NRL: variants seen among roughly 807,000 people sequenced by gnomAD.
NRL encodes neural retina-specific leucine zipper protein.
In NRL, 16 loss-of-function variants were observed where a neutral mutation model predicts 12.5. The observed-to-expected ratio is 1.28, with a 90% CI of 0.87 to 1.95. The LOEUF (loss-of-function observed/expected upper bound fraction) is 1.95. NRL is among the 30% of genes most tolerant of loss of function. The pLI, the probability that NRL is intolerant of heterozygous loss-of-function variation, is 0.00. For missense variants in NRL, 314 were observed against 325.8 expected (o/e 0.96, Z 0.28); for synonymous variants, 142 against 150.9 (o/e 0.94, Z 0.43).
At chr14:24,111,359 T>TG (rs2037416462) in intron 1 of NRL, among the ~76,000 whole-genome samples, 1 of 151,908 alleles carries the variant, frequency 6.6e-6, no homozygotes, top group African/African-American at 2.4e-5. Flanking sequence ...AGGTGTTTTT[T>TG]GTTTGGTTGG....
intron 1 of NRL, among the ~76,000 whole-genome samples, chr14:24,105,064 G>A (rs1442559304): frequency 2.0e-5 from 3 of 152,230 alleles, no homozygotes; most frequent in African/African-American, 7.2e-5. Flanking sequence ...ATTTACCCAC[G>A]TGTTTATTGA....
At chr14:24,096,331 C>G (rs941035903) in intron 1 of NRL, among the ~76,000 whole-genome samples, 20 of 144,566 alleles carry the variant, frequency 1.4e-4, no homozygotes, top group Admixed American at 1.0e-3. Flanking sequence ...CTCCACCTCC[C>G]GGGTTCAAGC....
chr14:24,092,395 T>C (rs1204884390), intron 1 of NRL, among the ~76,000 whole-genome samples: 1 of 152,248 alleles, frequency 6.6e-6, no homozygotes, highest in Non-Finnish European at 1.5e-5. Flanking sequence ...TAGTCTAGAC[T>C]GATTCCCTTT....
chr14:24,109,270 A>G (rs926282968), intron 1 of NRL, among the ~76,000 whole-genome samples: 8 of 152,182 alleles, frequency 5.3e-5, no homozygotes, highest in African/African-American at 1.9e-4. Context: ...ACTTCACCAT[A>G]ATTATTTTTA....
At chr14:24,100,683 C>A in intron 1 of NRL, 1 of 475,404 alleles carries the variant, frequency 2.1e-6, no homozygotes, top group Non-Finnish European at 2.8e-6. Context: ...AGGAAAGCTG[C>A]CTCCTCTGCT....
Position 24,081,573 on chromosome 14 carries a change from G to T in NRL, c.382-5C>A. Reference sequence around the variant, plus strand: ...GTCGGAAAACCGCTCTGCCAGCTGCGGAGGGAGAATGCAGAAACCGGGTCA... The same window carrying T: ...GTCGGAAAACCGCTCTGCCAGCTGCTGAGGGAGAATGCAGAAACCGGGTCA... On this transcript the variant is annotated splice_polypyrimidine_tract_variant and splice_region_variant and intron_variant, in intron 2 of 2. Coordinates refer to ENST00000561028, the MANE Select transcript of NRL (RefSeq NM_001354768.3). This position sits in a 1 kb window ranked among gnomAD's most constrained non-coding sequence, Gnocchi z 4.4. The T allele has an allele frequency of 1.3e-6, 2 of 1,590,720 alleles. No individual in the cohort carries two copies. Among genetic ancestry groups the T allele is most frequent in the South Asian group, 1.1e-5 (1 of 87,580 alleles).
chr14:24,079,518 A>C lies in NRL; in HGVS notation c.*1718T>G, dbSNP rs2036214683. 6.6e-6 allele frequency among the ~76,000 whole-genome samples: 1 copy of C among 152,128 alleles called. No individual in the cohort carries two copies. Among genetic ancestry groups the C allele is most frequent in the Admixed American group, 6.5e-5 (1 of 15,280 alleles). ...GGGGAAGGGAGAGGAGACGAGAGAA[A>C]TTCTGAGAGCGATGGAGGAGAGGAC... On this transcript the variant is annotated 3_prime_UTR_variant, in exon 3 of 3. Coordinates refer to ENST00000561028, the MANE Select transcript of NRL (RefSeq NM_001354768.3).
chr14:24,082,467 C>T lies in NRL; in HGVS notation c.381+1G>A. The T allele has an allele frequency of 6.2e-7, 1 of 1,612,348 alleles. No individual in the cohort carries two copies. Among genetic ancestry groups the T allele is most frequent in the Non-Finnish European group, 8.5e-7 (1 of 1,180,030 alleles). Reference sequence around the variant, plus strand: ...CTCAGGCCAGCTTGCTGACCACTCACCTGGACGTGCTGGGCTCCTGTCTCC... The same window carrying T: ...CTCAGGCCAGCTTGCTGACCACTCATCTGGACGTGCTGGGCTCCTGTCTCC... On this transcript the variant is annotated splice_donor_variant, in intron 2 of 2. Coordinates refer to ENST00000561028, the MANE Select transcript of NRL (RefSeq NM_001354768.3). LOFTEE classifies it high-confidence loss of function.
chr14:24,103,606 A>AG (rs780759748), intron 1 of NRL: 2 of 1,612,850 alleles, frequency 1.2e-6, no homozygotes, highest in East Asian at 4.5e-5. Context: ...GAAGGGCGCA[A>AG]GGGGGCCCAG....
chr14:24,096,806 G>T (rs1355497854), intron 1 of NRL: 1 of 1,214,484 alleles, frequency 8.2e-7, no homozygotes. Context: ...TTAGCAGGCT[G>T]CAGCCCAAGC....
Position 24,081,942 on chromosome 14 carries a change from TC to T in NRL, c.382-375del. 8.0e-7 allele frequency: 1 copy of T among 1,249,506 alleles called. No homozygotes were observed. The highest frequency in any genetic ancestry group is 3.7e-5 in the Admixed American group (1 of 26,852). The allele number at this position is 1,249,506 out of a possible 1,614,324, so 77.4% of individuals were successfully genotyped here. On this transcript the variant is annotated intron_variant, in intron 2 of 2. Coordinates refer to ENST00000561028, the MANE Select transcript of NRL (RefSeq NM_001354768.3). The surrounding 1 kb of genome is among the most constrained non-coding windows in gnomAD (Gnocchi z 4.4). ...CCCCAACCCTCCAACGCGCTGCGTTTCCCTGTCCTGAAGCCTGCAACCCGGT... is the reference window on the plus strand; with the variant it reads ...CCCCAACCCTCCAACGCGCTGCGTTTCCTGTCCTGAAGCCTGCAACCCGGT...
At chr14:24,096,932 T>C (rs2036911004) in intron 1 of NRL, 2 of 1,613,700 alleles carry the variant, frequency 1.2e-6, no homozygotes, top group Admixed American at 1.7e-5. Flanking sequence ...CTGGCCATCA[T>C]GCCGTAGCAT....
chr14:24,105,030 C>T (rs2037313827), intron 1 of NRL, among the ~76,000 whole-genome samples: 1 of 152,212 alleles, frequency 6.6e-6, no homozygotes, highest in South Asian at 2.1e-4. Flanking sequence ...TCACAGCCTT[C>T]AGAGCTGACA....
Position 24,102,803 on chromosome 14 carries a change from C to T in NRL, c.-28+11919G>A, listed in dbSNP as rs559309673. 131 of 1,613,704 alleles carry T rather than the reference C, an allele frequency of 8.1e-5. 1 individual carries two copies. The South Asian group carries it at 1.3e-3, about 16-fold the overall frequency. On this transcript the variant is annotated intron_variant, in intron 1 of 2. Coordinates refer to ENST00000561028, the MANE Select transcript of NRL (RefSeq NM_001354768.3). ...CAACTCTCGATTTTGTGCCCCGGCTCGCCAGTGCCCCATCATGGACCCAGC... is the reference window on the plus strand; with the variant it reads ...CAACTCTCGATTTTGTGCCCCGGCTTGCCAGTGCCCCATCATGGACCCAGC...
rs1183635515 is a variant in NRL at position 24,094,348 on chromosome 14, C to T, written c.-27-11473G>A. 1.4e-5 allele frequency: 21 copies of T among 1,493,200 alleles called. No individual in the cohort carries two copies. Among genetic ancestry groups the T allele is most frequent in the Middle Eastern group, 1.8e-4 (1 of 5,596 alleles). The allele number at this position is 1,493,200 out of a possible 1,614,324, so 92.5% of individuals were successfully genotyped here. On this transcript the variant is annotated intron_variant, in intron 1 of 2. Coordinates refer to ENST00000561028, the MANE Select transcript of NRL (RefSeq NM_001354768.3). This position sits in a 1 kb window ranked among gnomAD's most constrained non-coding sequence, Gnocchi z 4.1. Reference sequence around the variant, plus strand: ...GCCGCGCTCCCTCCTTCCCCGCCTTCCATACCTCCCCGGCTCCGCTCGGTT... The same window carrying T: ...GCCGCGCTCCCTCCTTCCCCGCCTTTCATACCTCCCCGGCTCCGCTCGGTT...
At chr14:24,090,051 G>C (rs2036571860) in intron 1 of NRL, among the ~76,000 whole-genome samples, 1 of 152,060 alleles carries the variant, frequency 6.6e-6, no homozygotes, top group Non-Finnish European at 1.5e-5. Context: ...CTAAGAGCAG[G>C]GAGAAGCTAC....
At chr14:24,088,251 C>G (rs1165312705) in intron 1 of NRL, among the ~76,000 whole-genome samples, 1 of 152,224 alleles carries the variant, frequency 6.6e-6, no homozygotes, top group Non-Finnish European at 1.5e-5. Context: ...CTCCTAGGGC[C>G]CACGTGAACC....
At chr14:24,098,968 T>C in intron 1 of NRL, 4 of 1,112,432 alleles carry the variant, frequency 3.6e-6, no homozygotes, top group African/African-American at 1.5e-5. Flanking sequence ...GTGTCTCTCC[T>C]GCCAATCCCT....
chr14:24,110,069 C>A (rs951643723), intron 1 of NRL, among the ~76,000 whole-genome samples: 1 of 152,066 alleles, frequency 6.6e-6, no homozygotes, highest in Admixed American at 6.5e-5. Flanking sequence ...CCAGTTCATG[C>A]AAGCCCTCCC....
Sources: gnomAD v4.1 joint callset for allele counts (sites outside exome capture counted in the v4.1 genomes callset) on GRCh38, gnomAD v4.1.1 for gene constraint, Gnocchi (gnomAD v3.1) non-coding constraint, MANE v1.5 for transcripts, NCBI Gene and HGNC (gene_info 2026-07-23, HGNC 2026-07-21) for gene names.